The following NEGR1 variants were observed in gnomAD, a reference collection of about 807,000 sequenced individuals.
NEGR1 encodes neuronal growth regulator 1, also known as IgLON family member 4.
A neutral mutation model predicts 40.9 loss-of-function variants in NEGR1; 10 were observed. The ratio of observed to expected loss-of-function variants is 0.24; its 90% CI spans 0.15 to 0.42. NEGR1 has a LOEUF of 0.42. Ranked by LOEUF, NEGR1 falls within the 10% of genes least tolerant of loss-of-function variation. The probability of loss-of-function intolerance (pLI) is 1.00; values close to 1 mark genes in which losing one functional copy is unlikely to be tolerated. For missense variants in NEGR1, 352 were observed against 438.9 expected (o/e 0.80, Z 1.77); for synonymous variants, 185 against 166.8 (o/e 1.11, Z -0.84).
chr1:71,506,710 A>G (rs1369390703), intron 6 of NEGR1, among the ~76,000 whole-genome samples: 2 of 152,226 alleles, frequency 1.3e-5, no homozygotes, highest in East Asian at 3.9e-4. Context: ...AAAATACAAA[A>G]CCAAAGTTAG....
chr1:71,991,517 AG>A (rs2100359053), intron 1 of NEGR1, among the ~76,000 whole-genome samples: 1 of 152,288 alleles, frequency 6.6e-6, no homozygotes, highest in Non-Finnish European at 1.5e-5. Flanking sequence ...CTTCATCTGA[AG>A]AGCATTGTGT....
At chr1:71,697,978 C>T (rs1653541669) in intron 4 of NEGR1, 30 bp downstream of exon 4, 1 of 1,595,936 alleles carries the variant, frequency 6.3e-7, no homozygotes, top group African/African-American at 1.4e-5. Flanking sequence ...TTTCTCAGAA[C>T]TTATCTTGAT....
Position 71,406,067 on chromosome 1 carries a change from T to C in NEGR1, c.*1379A>G, listed in dbSNP as rs1646276036. On this transcript the variant is annotated 3_prime_UTR_variant, in exon 7 of 7. Coordinates refer to ENST00000357731, the MANE Select transcript of NEGR1 (RefSeq NM_173808.3). ...TAAGATATTCTCATCACTGGTGTTT[T>C]GTCTTTATTTGATCGCATCTTACAT... 6.6e-6 allele frequency: 1 copy of C among 152,268 alleles called. No individual in the cohort carries two copies. The highest frequency in any genetic ancestry group is 1.5e-5 in the Non-Finnish European group (1 of 67,864). 9.4% of individuals were successfully genotyped at this position (152,268 alleles called of 1,614,324 possible). A position where few individuals can be genotyped will look rare whatever the true frequency, so the allele number is the denominator to read the frequency against.
chr1:71,986,243 TAA>T (rs749562030), intron 1 of NEGR1, among the ~76,000 whole-genome samples: 7 of 152,230 alleles, frequency 4.6e-5, no homozygotes, highest in Admixed American at 2.6e-4. Flanking sequence ...ATCACTAGCT[TAA>T]AATTGGGCAC....
chr1:72,096,574 T>C (rs1386337901), intron 1 of NEGR1, among the ~76,000 whole-genome samples: 1 of 152,118 alleles, frequency 6.6e-6, no homozygotes, highest in African/African-American at 2.4e-5. Context: ...TACATTTTTA[T>C]AGCTTGACAT....
intron 2 of NEGR1, among the ~76,000 whole-genome samples, chr1:71,924,616 T>C (rs1480958527): frequency 1.3e-5 from 2 of 152,204 alleles, no homozygotes; most frequent in African/African-American, 4.8e-5. Context: ...TTGGCTCTTT[T>C]TAAATGTTAA....
At chr1:71,836,534 C>T (rs1390639381) in intron 2 of NEGR1, among the ~76,000 whole-genome samples, 1 of 150,350 alleles carries the variant, frequency 6.7e-6, no homozygotes, top group East Asian at 2.0e-4. Flanking sequence ...ACAGGTACAG[C>T]TTGGGGAAAC....
chr1:71,926,955 C>A (rs1214200366), intron 2 of NEGR1, among the ~76,000 whole-genome samples: 1 of 151,792 alleles, frequency 6.6e-6, no homozygotes, highest in East Asian at 1.9e-4. Flanking sequence ...TTCTTTATTC[C>A]CAACTGTAGA....
At chr1:71,935,455 A>T (rs113487083) in intron 1 of NEGR1, 144 bp from the exon 2 acceptor site, 4 of 629,312 alleles carry the variant, frequency 6.4e-6, no homozygotes, top group African/African-American at 1.8e-5. Flanking sequence ...AAACATGAAC[A>T]TACTGATGCA....
intron 4 of NEGR1, among the ~76,000 whole-genome samples, chr1:71,664,174 A>ATC (rs1025187140): frequency 1.3e-5 from 2 of 152,170 alleles, no homozygotes; most frequent in African/African-American, 4.8e-5. Flanking sequence ...AGATCCTTGC[A>ATC]TCTGTACCAC....
intron 4 of NEGR1, among the ~76,000 whole-genome samples, chr1:71,642,324 T>C (rs1651380056): frequency 6.6e-6 from 1 of 150,934 alleles, no homozygotes; most frequent in Admixed American, 6.6e-5. Context: ...CTGATAATGT[T>C]AGAAAGAAAG....
rs151255613 is a variant in NEGR1 at position 71,586,663 on chromosome 1, C to T, written c.940+6154G>A. 6.2e-3 allele frequency among the ~76,000 whole-genome samples: 944 copies of T among 152,244 alleles called. 9 individuals carry two copies. The highest frequency in any genetic ancestry group is 0.021 in the African/African-American group (880 of 41,548). ...ACTGCTTCAGCCTGCTGGTTATCGTCTCTCCCATATGCCACTAAATGACCA... is the reference window on the plus strand; with the variant it reads ...ACTGCTTCAGCCTGCTGGTTATCGTTTCTCCCATATGCCACTAAATGACCA... On this transcript the variant is annotated intron_variant, in intron 6 of 6. Coordinates refer to ENST00000357731, the MANE Select transcript of NEGR1 (RefSeq NM_173808.3).
intron 4 of NEGR1, among the ~76,000 whole-genome samples, chr1:71,683,811 T>C (rs1183240837): frequency 1.3e-5 from 2 of 151,668 alleles, no homozygotes; most frequent in Non-Finnish European, 2.9e-5. Flanking sequence ...TTTGGGATCT[T>C]ATTTTTGTGT....
At chr1:72,197,181 C>A (rs944354334) in intron 1 of NEGR1, among the ~76,000 whole-genome samples, 16 of 152,034 alleles carry the variant, frequency 1.1e-4, no homozygotes, top group African/African-American at 3.6e-4. Flanking sequence ...TGATAGATGG[C>A]AAAATACAAA....
chr1:72,057,944 T>C (rs1315059192), intron 1 of NEGR1, among the ~76,000 whole-genome samples: 2 of 151,640 alleles, frequency 1.3e-5, no homozygotes, highest in East Asian at 2.0e-4. Flanking sequence ...GCAAACATAG[T>C]CACATTGGGG....
chr1:71,834,673 C>T (rs1470470427), intron 2 of NEGR1, among the ~76,000 whole-genome samples: 1 of 152,018 alleles, frequency 6.6e-6, no homozygotes. Flanking sequence ...GGGCCAATTC[C>T]TACTGATTGT....
chr1:71,884,878 TTCTC>T (rs1338326775), intron 2 of NEGR1, among the ~76,000 whole-genome samples: 3 of 152,216 alleles, frequency 2.0e-5, no homozygotes, highest in African/African-American at 2.4e-5. Context: ...GTAAACACCT[TTCTC>T]TATATATTTT....
chr1:71,480,307 G>C (rs140338827), intron 6 of NEGR1, among the ~76,000 whole-genome samples: 13 of 152,024 alleles, frequency 8.6e-5, no homozygotes, highest in African/African-American at 3.1e-4. Context: ...ACGTTAAGGA[G>C]CTTGCTTAAG....
intron 6 of NEGR1, among the ~76,000 whole-genome samples, chr1:71,438,374 A>C (rs1235808846): frequency 1.3e-5 from 2 of 152,194 alleles, no homozygotes; most frequent in African/African-American, 4.8e-5. Context: ...TTATAATGAC[A>C]CTTCAAATGT....
Sources: allele counts gnomAD v4.1 joint callset (sites outside exome capture counted in the v4.1 genomes callset), GRCh38; gene constraint gnomAD v4.1.1; transcripts MANE v1.5; gene names NCBI Gene and HGNC (gene_info 2026-07-23, HGNC 2026-07-21).